EHHADH: variants seen among roughly 807,000 people sequenced by gnomAD.
The protein encoded by EHHADH is peroxisomal bifunctional enzyme.
EHHADH carries 48 observed loss-of-function variants against 64.4 expected under a neutral mutation model. The observed-to-expected ratio is 0.75, with a 90% CI of 0.59 to 0.95. The LOEUF is 0.95. EHHADH is among the 40% of genes least tolerant of loss of function. The probability of loss-of-function intolerance (pLI) is 0.00; values close to 1 mark genes in which losing one functional copy is unlikely to be tolerated. For synonymous variants in EHHADH, 308 were observed against 326.7 expected, an observed-to-expected ratio of 0.94 and a Z score of 0.62; for missense variants, 854 against 876.6, an observed-to-expected ratio of 0.97 and a Z score of 0.33.
rs148357972 is a variant in EHHADH at position 185,210,615 on chromosome 3, A to T, written c.569-5858T>A. On this transcript the variant is annotated intron_variant, in intron 5 of 6. Transcript: ENST00000231887. ...GTGCCACTGCACTCCAGCCTGGGCG[A>T]CAGAGTGAGACTCTGTCTCAAAAAA... 4.8e-3 allele frequency among the ~76,000 whole-genome samples: 725 copies of T among 150,502 alleles called. 8 individuals are homozygous for T. The highest frequency in any genetic ancestry group is 8.0e-3 in the Non-Finnish European group (543 of 67,818).
At chr3:185,194,005 T>C (rs147229529) in intron 6 of EHHADH, among the ~76,000 whole-genome samples, 1 of 152,352 alleles carries the variant, frequency 6.6e-6, no homozygotes, top group Non-Finnish European at 1.5e-5. Context: ...ACTACCCAAA[T>C]TGATGTGAAG....
Position 185,216,768 on chromosome 3 carries a change from A to G in EHHADH, c.568+1368T>C, listed in dbSNP as rs1718689632. 6.6e-6 allele frequency among the ~76,000 whole-genome samples: 1 copy of G among 152,206 alleles called. No individual in the cohort carries two copies. The highest frequency in any genetic ancestry group is 6.5e-5 in the Admixed American group (1 of 15,280). ...GAATGCCTTTGAATGACACTGGGCC[A>G]TTGCCTGCCACCAAGCGGGAGACCA... On this transcript the variant is annotated intron_variant, in intron 5 of 6. Transcript: ENST00000231887. The surrounding 1 kb of genome is among the most constrained non-coding windows in gnomAD (Gnocchi z 5.3).
chr3:185,229,504 G>A lies in EHHADH; in HGVS notation c.391C>T (p.Pro131Ser), dbSNP rs867859330. Residue 131 changes from proline (P) to serine (S), a missense_variant, in exon 4 of 7, where the codon CCT becomes TCT. By Grantham distance (74) the Pro-to-Ser change is moderately conservative (BLOSUM62 -1). Coordinates refer to ENST00000231887, the MANE Select transcript of EHHADH (RefSeq NM_001966.4). ...AGAAGCTGGGTTCCTCTTGCACCAG[G>A]GAGAAGTCCCAGTGTAACTTCTGGT... ...GLPEVTLGLL[P>S]GARGTQLLPR... 2 of 1,575,632 alleles carry A rather than the reference G, an allele frequency of 1.3e-6. No individual in the cohort carries two copies. Among genetic ancestry groups the A allele is most frequent in the African/African-American group, 1.3e-5 (1 of 74,378 alleles).
At chr3:185,193,535 G>A (rs1352868549) in intron 6 of EHHADH, 48 bp from the exon 7 acceptor site, 2 of 1,581,484 alleles carry the variant, frequency 1.3e-6, no homozygotes, top group Non-Finnish European at 1.7e-6. Context: ...GTGGTATTGG[G>A]AACTGATAAA....
intron 1 of EHHADH, among the ~76,000 whole-genome samples, chr3:185,249,438 C>G (rs1719685997): frequency 6.6e-6 from 1 of 152,150 alleles, no homozygotes; most frequent in African/African-American, 2.4e-5. Flanking sequence ...TGGTTTGGCT[C>G]TTTATCCCCA....
chr3:185,196,880 T>C (rs1718077999), intron 6 of EHHADH, among the ~76,000 whole-genome samples: 1 of 152,028 alleles, frequency 6.6e-6, no homozygotes, highest in African/African-American at 2.4e-5. Flanking sequence ...CATGTGCCTA[T>C]GGTCCCAGCT....
At chr3:185,213,545 C>G (rs950115779) in intron 5 of EHHADH, among the ~76,000 whole-genome samples, 1 of 152,066 alleles carries the variant, frequency 6.6e-6, no homozygotes, top group African/African-American at 2.4e-5. Context: ...GTTAATCCAT[C>G]AATTTTGTTC....
At chr3:185,228,108 G>A (rs565626853) in intron 4 of EHHADH, among the ~76,000 whole-genome samples, 2 of 148,984 alleles carry the variant, frequency 1.3e-5, no homozygotes. Flanking sequence ...TCTCTTTAAT[G>A]TCTTACAAAC....
intron 2 of EHHADH, among the ~76,000 whole-genome samples, chr3:185,246,650 T>G (rs546070228): frequency 2.6e-5 from 4 of 152,324 alleles, no homozygotes; most frequent in African/African-American, 7.2e-5. Flanking sequence ...GTGCCTTCTC[T>G]TCTCCTTCAA....
intron 6 of EHHADH, among the ~76,000 whole-genome samples, 187 bp downstream of exon 6, chr3:185,204,229 T>C (rs1382006295): frequency 2.0e-5 from 3 of 151,854 alleles, no homozygotes; most frequent in South Asian, 2.1e-4. Context: ...TAGCTCACCA[T>C]TGAGAAGGCT....
intron 1 of EHHADH, among the ~76,000 whole-genome samples, chr3:185,249,380 G>C (rs180684511): frequency 6.6e-6 from 1 of 152,106 alleles, no homozygotes; most frequent in East Asian, 1.9e-4. Flanking sequence ...CACCCACCTC[G>C]GCCTCCCAAA....
At chr3:185,233,027 G>A (rs1293821344) in intron 3 of EHHADH, among the ~76,000 whole-genome samples, 3 of 152,134 alleles carry the variant, frequency 2.0e-5, no homozygotes, top group Non-Finnish European at 4.4e-5. Context: ...TTCACATGAA[G>A]AAATAAAGAA....
intron 4 of EHHADH, among the ~76,000 whole-genome samples, chr3:185,224,056 A>C (rs1201889017): frequency 6.6e-6 from 1 of 152,216 alleles, no homozygotes; most frequent in Non-Finnish European, 1.5e-5. Flanking sequence ...AAGATCAGAA[A>C]GGGTTAGCCA....
intron 5 of EHHADH, among the ~76,000 whole-genome samples, chr3:185,209,061 T>A (rs946119411): frequency 1.3e-5 from 2 of 152,152 alleles, no homozygotes; most frequent in Non-Finnish European, 2.9e-5. Flanking sequence ...ATGAAGAAAC[T>A]TTTTGTGGGA....
At chr3:185,209,963 GCAAACT>G (rs1038568295) in intron 5 of EHHADH, among the ~76,000 whole-genome samples, 3 of 152,172 alleles carry the variant, frequency 2.0e-5, no homozygotes, top group African/African-American at 7.2e-5. Context: ...TTAAGGGAAA[GCAAACT>G]CAGCAGAGAA....
intron 4 of EHHADH, 85 bp from the exon 5 acceptor site, chr3:185,218,325 G>T: frequency 1.2e-6 from 1 of 853,192 alleles, no homozygotes; most frequent in Non-Finnish European, 1.8e-6. Flanking sequence ...TAGTAGGAAA[G>T]GCTGTCTGTC....
intron 5 of EHHADH, among the ~76,000 whole-genome samples, chr3:185,206,871 T>C (rs948950869): frequency 1.3e-5 from 2 of 151,068 alleles, no homozygotes; most frequent in East Asian, 3.9e-4. Flanking sequence ...AGCCATAAAC[T>C]AGAAGAAAAT....
At chr3:185,215,943 AT>A (rs1035774176) in intron 5 of EHHADH, among the ~76,000 whole-genome samples, 1 of 152,102 alleles carries the variant, frequency 6.6e-6, no homozygotes, top group African/African-American at 2.4e-5. Flanking sequence ...ACAATTTTAC[AT>A]TTTTCTATAT....
chr3:185,190,697 A>G lies in EHHADH; in HGVS notation c.*1529T>C, dbSNP rs556369205. ...CAAATTATATAAAATTAAGTAGTAC[A>G]CATTTCAAACATAATAATTGTGCTC... is the stretch of plus-strand genomic sequence containing the variant. On this transcript the variant is annotated 3_prime_UTR_variant, in exon 7 of 7. Transcript: ENST00000231887. 7.9e-5 allele frequency: 12 copies of G among 152,356 alleles called. No homozygotes were observed. Among genetic ancestry groups the G allele is most frequent in the Middle Eastern group, 3.4e-3 (1 of 294 alleles). The allele number at this position is 152,356 out of a possible 1,614,324, so 9.4% of individuals were successfully genotyped here. A position where few individuals can be genotyped will look rare whatever the true frequency, so the allele number is the denominator to read the frequency against.
Sources: gnomAD v4.1 joint callset for allele counts (sites outside exome capture counted in the v4.1 genomes callset) on GRCh38, gnomAD v4.1.1 for gene constraint, Gnocchi (gnomAD v3.1) non-coding constraint, MANE v1.5 for transcripts, NCBI Gene and HGNC (gene_info 2026-07-23, HGNC 2026-07-21) for gene names.